The following GPHN variants were observed in gnomAD, a reference collection of about 807,000 sequenced individuals.
GPHN encodes the protein gephyrin.
A neutral mutation model predicts 95.5 loss-of-function variants in GPHN; 17 were observed. The ratio of observed to expected loss-of-function variants is 0.18; its 90% CI spans 0.12 to 0.27. The LOEUF is 0.27. Ranked by LOEUF, GPHN falls within the 10% of genes least tolerant of loss-of-function variation. The probability of loss-of-function intolerance (pLI) is 1.00; values close to 1 mark genes in which losing one functional copy is unlikely to be tolerated. For synonymous variants in GPHN, 320 were observed against 322.5 expected (o/e 0.99, Z 0.08); for missense variants, 660 against 978.1 (o/e 0.67, Z 4.34).
chr14:66,513,164 A>G (rs1186729083), intron 1 of GPHN, among the ~76,000 whole-genome samples: 1 of 151,796 alleles, frequency 6.6e-6, no homozygotes, highest in African/African-American at 2.4e-5. Flanking sequence ...TACTATTATC[A>G]TTGGTCAAAG....
intron 2 of GPHN, among the ~76,000 whole-genome samples, chr14:66,729,519 C>T (rs542742176): frequency 1.3e-5 from 2 of 152,068 alleles, no homozygotes; most frequent in South Asian, 4.2e-4. Context: ...GAGTAGTTGC[C>T]TGAGGTAGAG....
At chr14:67,509,038 A>ATGAC in the GPHN span, among the ~76,000 whole-genome samples, 1 of 152,158 alleles carries the variant, frequency 6.6e-6, no homozygotes, top group Admixed American at 6.5e-5. Context: ...ATAAGCTTCT[A>ATGAC]TGACTAGTGG....
chr14:67,719,444 A>G, the GPHN span, among the ~76,000 whole-genome samples: 1 of 152,174 alleles, frequency 6.6e-6, no homozygotes, highest in South Asian at 2.1e-4. Context: ...GCAGGTTATC[A>G]GGGTCTTTTT....
chr14:66,726,817 C>T (rs2071283875), intron 2 of GPHN, among the ~76,000 whole-genome samples: 1 of 152,128 alleles, frequency 6.6e-6, no homozygotes, highest in Non-Finnish European at 1.5e-5. Flanking sequence ...AAATTGCACA[C>T]CTGACCTCAT....
At chr14:67,106,471 A>G (rs551611715) in intron 13 of GPHN, among the ~76,000 whole-genome samples, 1 of 152,142 alleles carries the variant, frequency 6.6e-6, no homozygotes, top group Non-Finnish European at 1.5e-5. Flanking sequence ...AAGTCTTACA[A>G]GCTTTCTTCA....
At chr14:66,817,615 C>G (rs1233007055) in intron 3 of GPHN, among the ~76,000 whole-genome samples, 2 of 152,054 alleles carry the variant, frequency 1.3e-5, no homozygotes, top group East Asian at 3.9e-4. Flanking sequence ...GTCATTATTT[C>G]AGCCACATGA....
intron 4 of GPHN, among the ~76,000 whole-genome samples, chr14:66,841,492 T>G (rs2062085776): frequency 6.6e-6 from 1 of 151,716 alleles, no homozygotes; most frequent in African/African-American, 2.4e-5. Flanking sequence ...ATGATAGAGG[T>G]GGAGGTAGTG....
chr14:67,483,529 G>A, the GPHN span, among the ~76,000 whole-genome samples: 2 of 152,320 alleles, frequency 1.3e-5, no homozygotes, highest in Non-Finnish European at 2.9e-5. Flanking sequence ...GAACTTCTAG[G>A]TGGTTCATTA....
chr14:67,071,545 A>G (rs1383052064), intron 11 of GPHN, among the ~76,000 whole-genome samples: 1 of 152,076 alleles, frequency 6.6e-6, no homozygotes, highest in Non-Finnish European at 1.5e-5. Flanking sequence ...TGACGAGTTA[A>G]TGGGTGCAGC....
chr14:67,063,873 G>C (rs1013818484), intron 11 of GPHN, among the ~76,000 whole-genome samples: 1 of 152,168 alleles, frequency 6.6e-6, no homozygotes, highest in Non-Finnish European at 1.5e-5. Flanking sequence ...CATGTCATCT[G>C]CAAACAGAGA....
chr14:66,606,169 A>T (rs2062523918), intron 1 of GPHN, among the ~76,000 whole-genome samples: 1 of 152,124 alleles, frequency 6.6e-6, no homozygotes, highest in African/African-American at 2.4e-5. Context: ...TAATTTTTGT[A>T]TGCGGTGAAA....
chr14:66,527,690 G>A (rs960842764), intron 1 of GPHN, among the ~76,000 whole-genome samples: 6 of 152,070 alleles, frequency 3.9e-5, no homozygotes, highest in African/African-American at 1.4e-4. Context: ...TGGTTTCAAG[G>A]AACTTATTTA....
chr14:66,983,119 G>T lies in GPHN; in HGVS notation c.963+17794G>T, dbSNP rs111834799. On this transcript the variant is annotated intron_variant, in intron 9 of 22. Transcript: ENST00000478722. ...ATATAAAAATTAGCCAGGTGCAGTGGTGTGCACCTGTAATCTCAGCTATTC... is the reference window on the plus strand; with the variant it reads ...ATATAAAAATTAGCCAGGTGCAGTGTTGTGCACCTGTAATCTCAGCTATTC... Among the ~76,000 whole-genome samples, 472 of 152,200 alleles carry T rather than the reference G, an allele frequency of 3.1e-3. 11 individuals carry two copies. Among genetic ancestry groups the T allele is most frequent in the African/African-American group, 0.011 (447 of 41,534 alleles).
chr14:66,791,023 A>G lies in GPHN; in HGVS notation c.201+14502A>G, dbSNP rs185114441. On this transcript the variant is annotated intron_variant, in intron 3 of 22. Coordinates refer to ENST00000478722, the MANE Select transcript of GPHN (RefSeq NM_020806.5). ...ATGGACTTTACCAAGAGGGGCCTCT[A>G]ACCCCCTCAATCTTAGGAAGAACTC... is the stretch of plus-strand genomic sequence containing the variant. 6.5e-3 allele frequency among the ~76,000 whole-genome samples: 990 copies of G among 152,352 alleles called. 15 individuals carry two copies. The highest frequency in any genetic ancestry group is 0.023 in the African/African-American group (946 of 41,588).
chr14:66,785,725 AAAAC>A (rs957751736), intron 3 of GPHN, among the ~76,000 whole-genome samples: 7 of 151,554 alleles, frequency 4.6e-5, no homozygotes, highest in Admixed American at 1.3e-4. Context: ...AAAAAACCAA[AAAAC>A]AAACAAAAAA....
intron 5 of GPHN, among the ~76,000 whole-genome samples, chr14:66,896,609 T>A (rs2064864147): frequency 6.6e-6 from 1 of 151,856 alleles, no homozygotes; most frequent in Non-Finnish European, 1.5e-5. Context: ...GACCCTCTCT[T>A]AAAAAAAATT....
In GPHN at chr14:67,143,443, G is replaced by A. The variant is rs745723862; in HGVS notation, c.1830G>A (p.Gly610=). 2 of 1,579,904 alleles carry A rather than the reference G, an allele frequency of 1.3e-6. No individual in the cohort carries two copies. The highest frequency in any genetic ancestry group is 2.2e-5 in the South Asian group (2 of 90,366). The change falls in exon 18 of 23, where the codon GGG becomes GGA. Residue 610 remains glycine (G), a synonymous_variant. Coordinates refer to ENST00000478722, the MANE Select transcript of GPHN (RefSeq NM_020806.5). ...TCACATCAGGGGGTGTATCCATGGGGGAAAAGGTATGAAAGATAGGGCTCG... is the reference window on the plus strand; with the variant it reads ...TCACATCAGGGGGTGTATCCATGGGAGAAAAGGTATGAAAGATAGGGCTCG... ...VIITSGGVSM[G]EKDYLKQVLD... is the part of the protein sequence containing the mutation.
At chr14:67,201,508 T>C in the GPHN span, 1 of 455,994 alleles carries the variant, frequency 2.2e-6, no homozygotes, top group Admixed American at 2.3e-5. Flanking sequence ...CTCATCCTGG[T>C]GGCTCTGTCT....
chr14:67,696,880 C>G, the GPHN span, among the ~76,000 whole-genome samples: 1 of 152,136 alleles, frequency 6.6e-6, no homozygotes, highest in Non-Finnish European at 1.5e-5. Context: ...TTCCAATGAA[C>G]TAATATATTT....
Sources: allele counts gnomAD v4.1 joint callset (sites outside exome capture counted in the v4.1 genomes callset), GRCh38; gene constraint gnomAD v4.1.1; transcripts MANE v1.5; gene names NCBI Gene and HGNC (gene_info 2026-07-23, HGNC 2026-07-21).